The following CDH18 variants were observed in gnomAD, a reference collection of about 807,000 sequenced individuals.
The protein encoded by CDH18 is cadherin-18.
A neutral mutation model predicts 67.9 loss-of-function variants in CDH18; 31 were observed. That is an observed-to-expected ratio of 0.46 (90% CI 0.34 to 0.62). CDH18 has a LOEUF of 0.62. Ranked by LOEUF, CDH18 falls within the 20% of genes least tolerant of loss-of-function variation. The pLI is 0.01. For synonymous variants in CDH18, 362 were observed against 347.2 expected, an observed-to-expected ratio of 1.04 and a Z score of -0.48; for missense variants, 890 against 975.5, an observed-to-expected ratio of 0.91 and a Z score of 1.17.
chr5:20,305,334 T>C, intron 1 of CDH18: 1 of 1,574,084 alleles, frequency 6.4e-7, no homozygotes, highest in Non-Finnish European at 8.7e-7. Context: ...TTGCTTTCTT[T>C]ATGGCTCTAT....
chr5:20,316,223 A>G (rs1737447687), intron 1 of CDH18, among the ~76,000 whole-genome samples: 1 of 152,078 alleles, frequency 6.6e-6, no homozygotes, highest in Non-Finnish European at 1.5e-5. Flanking sequence ...GAGTTTAAAT[A>G]TTGTATGATT....
At chr5:19,562,122 A>T (rs548091676) in intron 8 of CDH18, among the ~76,000 whole-genome samples, 1 of 152,156 alleles carries the variant, frequency 6.6e-6, no homozygotes, top group Non-Finnish European at 1.5e-5. Flanking sequence ...AGAACACTGA[A>T]ATAATTTTAT....
intron 3 of CDH18, among the ~76,000 whole-genome samples, chr5:19,799,435 AAC>A (rs10545142): frequency 0.74 from 106,754 of 143,588 alleles, 39,732 homozygotes; most frequent in East Asian, 0.87. Flanking sequence ...AAATATTCTC[AAC>A]ACACACACAC....
At chr5:19,544,973 C>T (rs1736067819) in intron 8 of CDH18, among the ~76,000 whole-genome samples, 1 of 152,052 alleles carries the variant, frequency 6.6e-6, no homozygotes, top group South Asian at 2.1e-4. Flanking sequence ...TAGTTAGACA[C>T]AGCTTTTTTT....
chr5:19,988,920 C>T (rs1422132518), upstream of CDH18, among the ~76,000 whole-genome samples: 1 of 152,070 alleles, frequency 6.6e-6, no homozygotes, highest in East Asian at 1.9e-4. Context: ...TTTGTGAAGA[C>T]GAATAGAAGC....
chr5:19,807,340 GA>G (rs1189131603), intron 3 of CDH18, among the ~76,000 whole-genome samples: 3 of 152,058 alleles, frequency 2.0e-5, no homozygotes, highest in Non-Finnish European at 4.4e-5. Flanking sequence ...ATTAAAAAAA[GA>G]AAAGGTACAG....
intron 5 of CDH18, among the ~76,000 whole-genome samples, chr5:19,714,546 A>AT (rs941523914): frequency 1.3e-5 from 2 of 150,400 alleles, no homozygotes; most frequent in African/African-American, 2.5e-5. Context: ...GAACCTATTA[A>AT]TTTTTTTTCC....
chr5:19,716,681 T>G (rs1414466807), intron 5 of CDH18, among the ~76,000 whole-genome samples: 1 of 152,032 alleles, frequency 6.6e-6, no homozygotes, highest in Non-Finnish European at 1.5e-5. Context: ...CTACTCCTTT[T>G]TAATATCATG....
intron 12 of CDH18, among the ~76,000 whole-genome samples, chr5:19,482,212 T>C (rs939681523): frequency 2.0e-5 from 3 of 151,946 alleles, no homozygotes; most frequent in Admixed American, 6.6e-5. Context: ...GCCTCCCAGG[T>C]TCATGCCATT....
At chr5:20,326,585 C>T (rs1456789066) in intron 1 of CDH18, among the ~76,000 whole-genome samples, 1 of 148,258 alleles carries the variant, frequency 6.7e-6, no homozygotes, top group Non-Finnish European at 1.5e-5. Context: ...GTCGCCCAGG[C>T]TGGAGTGCAG....
At chr5:19,664,324 T>C (rs1031092741) in intron 5 of CDH18, among the ~76,000 whole-genome samples, 5 of 152,014 alleles carry the variant, frequency 3.3e-5, no homozygotes, top group African/African-American at 1.2e-4. Flanking sequence ...CTAGCAAAAT[T>C]TAGAAGCACT....
intron 1 of CDH18, among the ~76,000 whole-genome samples, chr5:20,276,539 G>T (rs1196960002): frequency 1.3e-5 from 2 of 152,174 alleles, no homozygotes; most frequent in African/African-American, 4.8e-5. Flanking sequence ...AGAATCAACA[G>T]CCAAGAATTA....
intron 1 of CDH18, among the ~76,000 whole-genome samples, chr5:20,459,885 G>A (rs572933988): frequency 1.6e-4 from 24 of 152,166 alleles, no homozygotes; most frequent in Non-Finnish European, 2.6e-4. Context: ...TGCTAATATT[G>A]TGGTTGTTCA....
At chr5:20,318,959 C>T (rs906679934) in intron 1 of CDH18, among the ~76,000 whole-genome samples, 1 of 152,120 alleles carries the variant, frequency 6.6e-6, no homozygotes, top group East Asian at 1.9e-4. Flanking sequence ...TCCCTCTCCA[C>T]CCATGGCATC....
chr5:20,286,724 A>C lies in CDH18; in HGVS notation c.-579-31219T>G, dbSNP rs367595435. On this transcript the variant is annotated intron_variant, in intron 1 of 14. Transcript: ENST00000507958. Reference sequence around the variant, plus strand: ...ATTCCAGAGAGAGAAGTGACTCAGCAAACTTATAAAGTATTTCTTTATTTC... The same window carrying C: ...ATTCCAGAGAGAGAAGTGACTCAGCCAACTTATAAAGTATTTCTTTATTTC... Among the ~76,000 whole-genome samples, 28 of 151,810 alleles carry C rather than the reference A, an allele frequency of 1.8e-4. No individual in the cohort carries two copies. The East Asian group carries it at 4.8e-3, about 26-fold the overall frequency.
intron 2 of CDH18, among the ~76,000 whole-genome samples, chr5:19,945,619 A>G (rs2150245860): frequency 6.6e-6 from 1 of 152,332 alleles, no homozygotes; most frequent in Non-Finnish European, 1.5e-5. Flanking sequence ...TCAATCCATT[A>G]TAAATTCTCA....
At chr5:20,127,122 G>T (rs1196744259) in intron 2 of CDH18, among the ~76,000 whole-genome samples, 4 of 152,122 alleles carry the variant, frequency 2.6e-5, no homozygotes, top group Non-Finnish European at 5.9e-5. Context: ...AAATCATGGG[G>T]TGGTTTCCCC....
At chr5:19,798,327 G>A (rs755006885) in intron 3 of CDH18, among the ~76,000 whole-genome samples, 3 of 151,892 alleles carry the variant, frequency 2.0e-5, no homozygotes, top group Non-Finnish European at 4.4e-5. Context: ...GGGAAAATTT[G>A]CAAAGGATGT....
At chr5:20,339,604 G>A (rs957781436) in intron 1 of CDH18, among the ~76,000 whole-genome samples, 1 of 151,972 alleles carries the variant, frequency 6.6e-6, no homozygotes, top group South Asian at 2.1e-4. Context: ...GGACTTCCTA[G>A]AACCCCGTCA....
Sources: gnomAD v4.1 joint callset for allele counts (sites outside exome capture counted in the v4.1 genomes callset) on GRCh38, gnomAD v4.1.1 for gene constraint, MANE v1.5 for transcripts, NCBI Gene and HGNC (gene_info 2026-07-23, HGNC 2026-07-21) for gene names.